RGS20: variants seen among roughly 807,000 people sequenced by gnomAD.
RGS20 encodes the protein regulator of G protein signaling 20.
A neutral mutation model predicts 33.6 loss-of-function variants in RGS20; 30 were observed. The ratio of observed to expected loss-of-function variants is 0.89; its 90% CI spans 0.67 to 1.21. The LOEUF (loss-of-function observed/expected upper bound fraction) is 1.21, where lower values mean the gene tolerates loss of function less well. Ranked by LOEUF, RGS20 falls within the 50% of genes most tolerant of loss-of-function variation. The probability of loss-of-function intolerance (pLI) is 0.00; values close to 1 mark genes in which losing one functional copy is unlikely to be tolerated. For missense variants in RGS20, 472 were observed against 502.4 expected, an observed-to-expected ratio of 0.94 and a Z score of 0.58; for synonymous variants, 208 against 197.9, an observed-to-expected ratio of 1.05 and a Z score of -0.43.
rs1040512649 is a variant in RGS20, at chr8:53,856,216, A to G, written c.165+4152A>G. Among the ~76,000 whole-genome samples the G allele has an allele frequency of 2.2e-5, 3 of 138,784 alleles. No individual in the cohort carries two copies. In the South Asian group the frequency reaches 6.7e-4, roughly 31 times the overall value. 91.0% of individuals were successfully genotyped at this position (138,784 alleles called of 152,430 possible). ...CATCAGATTATTTATTTATTTTTCA[A>G]TTTTTTTTTTTTTTTTTGAGACTCA... On this transcript the variant is annotated intron_variant, in intron 1 of 5. Transcript: ENST00000297313.
At chr8:53,924,621 G>A (rs1285847298) in intron 2 of RGS20, among the ~76,000 whole-genome samples, 1 of 152,160 alleles carries the variant, frequency 6.6e-6, no homozygotes, top group Non-Finnish European at 1.5e-5. Flanking sequence ...ACCATGCCCA[G>A]CTGCAAGTTC....
At chr8:53,875,452 C>CAAA (rs1563350709) in intron 1 of RGS20, among the ~76,000 whole-genome samples, 13 of 142,214 alleles carry the variant, frequency 9.1e-5, no homozygotes, top group African/African-American at 3.2e-4. Context: ...AAAAAAAAAC[C>CAAA]AAAAAAACCA....
chr8:53,855,778 C>A (rs949097184), intron 1 of RGS20, among the ~76,000 whole-genome samples: 1 of 152,176 alleles, frequency 6.6e-6, no homozygotes, highest in African/African-American at 2.4e-5. Flanking sequence ...TTTTAAAAAG[C>A]AAACCTCTAA....
intron 1 of RGS20, among the ~76,000 whole-genome samples, chr8:53,854,666 G>C (rs1285719182): frequency 6.6e-6 from 1 of 152,198 alleles, no homozygotes; most frequent in East Asian, 1.9e-4. Context: ...ATACATTGCT[G>C]ATAGGAATGT....
chr8:53,879,846 T>G (rs1170455207), intron 2 of RGS20: 2 of 424,772 alleles, frequency 4.7e-6, no homozygotes, highest in Admixed American at 4.2e-5. Flanking sequence ...TTCCTTTCCA[T>G]GGTCCAAGAA....
intron 2 of RGS20, among the ~76,000 whole-genome samples, chr8:53,906,425 G>A (rs114730732): frequency 0.011 from 1,627 of 152,112 alleles, 25 homozygotes; most frequent in African/African-American, 0.037. Flanking sequence ...CTTTGCTATC[G>A]AGTGGCCCCC....
At chr8:53,954,390 A>G in intron 5 of RGS20, 80 bp downstream of exon 4, 2 of 915,980 alleles carry the variant, frequency 2.2e-6, no homozygotes, top group African/African-American at 1.6e-5. Flanking sequence ...TAGGCCGGGC[A>G]CAGTGGCTCA....
At chr8:53,902,022 A>T (rs949956547) in intron 2 of RGS20, among the ~76,000 whole-genome samples, 1 of 151,194 alleles carries the variant, frequency 6.6e-6, no homozygotes, top group Non-Finnish European at 1.5e-5. Flanking sequence ...TCTACTTTTT[A>T]TTTTTTTTTC....
chr8:53,902,080 C>A (rs1425666157), intron 2 of RGS20, among the ~76,000 whole-genome samples: 1 of 152,044 alleles, frequency 6.6e-6, no homozygotes, highest in Non-Finnish European at 1.5e-5. Flanking sequence ...TACAGTGATG[C>A]GACCTGGACT....
intron 3 of RGS20, 198 bp from the exon 3 acceptor site, chr8:53,946,467 C>T (rs540703115): frequency 2.9e-5 from 18 of 629,422 alleles, no homozygotes; most frequent in African/African-American, 1.7e-4. Context: ...GAAACCACAA[C>T]GTTTATTTAT....
intron 2 of RGS20, among the ~76,000 whole-genome samples, chr8:53,930,899 G>T (rs1341078969): frequency 1.3e-5 from 2 of 152,150 alleles, no homozygotes; most frequent in African/African-American, 4.8e-5. Context: ...AAACATCTTG[G>T]TTTGGAGATT....
intron 2 of RGS20, among the ~76,000 whole-genome samples, chr8:53,923,197 G>A (rs559040799): frequency 3.5e-4 from 54 of 152,276 alleles, no homozygotes; most frequent in Non-Finnish European, 3.5e-4. Context: ...CTCCCAAAGT[G>A]CTGGGATTAC....
intron 4 of RGS20, among the ~76,000 whole-genome samples, chr8:53,953,399 C>T (rs1261890202): frequency 1.3e-5 from 2 of 151,666 alleles, no homozygotes; most frequent in Non-Finnish European, 2.9e-5. Flanking sequence ...CACGTGCCTG[C>T]AGGGTCTGCT....
intron 2 of RGS20, among the ~76,000 whole-genome samples, chr8:53,913,230 G>T (rs1330216340): frequency 6.6e-6 from 1 of 152,146 alleles, no homozygotes; most frequent in Non-Finnish European, 1.5e-5. Context: ...GCTCCAAAGT[G>T]CTGGGATTAC....
In RGS20 at chr8:53,932,298, AG is replaced by A. The variant is rs759069968; in HGVS notation, c.511-7273del. Among the ~76,000 whole-genome samples, 26 of 152,238 alleles carry A rather than the reference AG, an allele frequency of 1.7e-4. 1 individual carries two copies. Among genetic ancestry groups the A allele is most frequent in the Admixed American group, 7.2e-4 (11 of 15,304 alleles). On this transcript the variant is annotated intron_variant, in intron 2 of 5. Transcript: ENST00000297313. ...GACAGAACCGTTCACACCCCTGAAA[AG>A]GGGGCTGAAGCCAGGGAGCCATGGT...
At chr8:53,880,765 C>T in intron 2 of RGS20, 107 bp from the exon 1 acceptor site, 5 of 1,035,856 alleles carry the variant, frequency 4.8e-6, no homozygotes, top group Non-Finnish European at 6.4e-6. Context: ...CGTGGGGCCT[C>T]GGGGGTACCC....
chr8:53,891,799 T>G (rs1016770647), intron 2 of RGS20, among the ~76,000 whole-genome samples: 17 of 152,136 alleles, frequency 1.1e-4, no homozygotes, highest in African/African-American at 4.1e-4. Context: ...TTGAAAACAC[T>G]GGAAAGAAAA....
chr8:53,877,957 G>C lies in RGS20; in HGVS notation c.166-1301G>C, dbSNP rs953888238. ...CTGGTGACTGCGGAGTGAGGGAACC[G>C]CGCCAGGCCCACGAGGCCGCTCGCG... On this transcript the variant is annotated intron_variant, in intron 1 of 5. Transcript: ENST00000297313. This position sits in a 1 kb window ranked among gnomAD's most constrained non-coding sequence, Gnocchi z 5.7. 6.6e-6 allele frequency among the ~76,000 whole-genome samples: 1 copy of C among 152,138 alleles called. No individual in the cohort carries two copies. Among genetic ancestry groups the C allele is most frequent in the Non-Finnish European group, 1.5e-5 (1 of 68,026 alleles).
chr8:53,925,079 C>A (rs1337425773), intron 2 of RGS20, among the ~76,000 whole-genome samples: 1 of 152,170 alleles, frequency 6.6e-6, no homozygotes, highest in Non-Finnish European at 1.5e-5. Context: ...CAAGCAGGCC[C>A]ACTGCTTGCA....
Sources: allele counts gnomAD v4.1 joint callset (sites outside exome capture counted in the v4.1 genomes callset), GRCh38; gene constraint gnomAD v4.1.1; non-coding constraint Gnocchi (gnomAD v3.1); transcripts MANE v1.5; gene names NCBI Gene and HGNC (gene_info 2026-07-23, HGNC 2026-07-21).